Variants in LRCH3 observed in about 807,000 individuals in gnomAD.
LRCH3 encodes DISP complex protein LRCH3.
LRCH3 carries 68 observed loss-of-function variants against 104.5 expected under a neutral mutation model. That is an observed-to-expected ratio of 0.65 (90% CI 0.54 to 0.80). The LOEUF (loss-of-function observed/expected upper bound fraction) is 0.80. Among genes scored for constraint, LRCH3 ranks in the 30% least tolerant of loss-of-function variants. The probability of loss-of-function intolerance (pLI) is 0.00; values close to 1 mark genes in which losing one functional copy is unlikely to be tolerated. For synonymous variants in LRCH3, 344 were observed against 361.3 expected, an observed-to-expected ratio of 0.95 and a Z score of 0.54; for missense variants, 951 against 953.9, an observed-to-expected ratio of 1.00 and a Z score of 0.04.
intron 10 of LRCH3, among the ~76,000 whole-genome samples, chr3:197,845,230 G>A (rs569997439): frequency 1.6e-4 from 24 of 151,870 alleles, no homozygotes; most frequent in East Asian, 7.8e-4. Context: ...GCAACATGGC[G>A]AAACCCCATC....
At chr3:197,855,137 G>A (rs1240350777) in intron 14 of LRCH3, among the ~76,000 whole-genome samples, 1 of 152,188 alleles carries the variant, frequency 6.6e-6, no homozygotes, top group African/African-American at 2.4e-5. Flanking sequence ...GAGGTCTAGT[G>A]CCTACAGTGC....
chr3:197,847,659 G>T (rs1738931004), intron 11 of LRCH3, among the ~76,000 whole-genome samples, 199 bp downstream of exon 11: 1 of 152,078 alleles, frequency 6.6e-6, no homozygotes, highest in Non-Finnish European at 1.5e-5. Context: ...CTTCATGATG[G>T]CTTTATAGTA....
intron 15 of LRCH3, among the ~76,000 whole-genome samples, chr3:197,860,150 C>T (rs1202337937): frequency 2.0e-5 from 3 of 152,096 alleles, no homozygotes; most frequent in African/African-American, 7.2e-5. Context: ...TACAGATGCG[C>T]ACCACCATGC....
chr3:197,799,811 T>TG (rs2109108928), intron 1 of LRCH3, among the ~76,000 whole-genome samples: 1 of 151,442 alleles, frequency 6.6e-6, no homozygotes, highest in Admixed American at 6.6e-5. Context: ...AGGCAGAAGT[T>TG]GCAGTGAGCC....
chr3:197,843,088 A>G (rs1738056882), intron 10 of LRCH3, among the ~76,000 whole-genome samples: 8 of 145,086 alleles, frequency 5.5e-5, no homozygotes, highest in Admixed American at 4.1e-4. Context: ...CTGTCTTAAA[A>G]AAAAAAAAAA....
chr3:197,862,899 C>T (rs1271944162), intron 15 of LRCH3, among the ~76,000 whole-genome samples: 2 of 152,210 alleles, frequency 1.3e-5, no homozygotes, highest in South Asian at 2.1e-4. Context: ...TAGTTCTCCA[C>T]CTGTGATATC....
intron 8 of LRCH3, among the ~76,000 whole-genome samples, chr3:197,835,435 C>T (rs1472814126): frequency 1.3e-5 from 2 of 149,510 alleles, no homozygotes; most frequent in Non-Finnish European, 3.0e-5. Flanking sequence ...CCACTCACCA[C>T]CTCCACCTCC....
chr3:197,869,551 G>C (rs868374653), intron 17 of LRCH3, among the ~76,000 whole-genome samples: 1,546 of 134,120 alleles, frequency 0.012, 23 homozygotes, highest in African/African-American at 0.045. Context: ...GGTAGAAAGC[G>C]ATGCACTGTA....
intron 19 of LRCH3, among the ~76,000 whole-genome samples, chr3:197,872,595 G>A (rs866836970): frequency 2.0e-5 from 3 of 152,132 alleles, no homozygotes; most frequent in South Asian, 2.1e-4. Flanking sequence ...ACTGGCTTAC[G>A]CCTATAATCC....
intron 17 of LRCH3, among the ~76,000 whole-genome samples, chr3:197,867,149 C>A (rs529401815): frequency 1.3e-5 from 2 of 152,138 alleles, no homozygotes; most frequent in African/African-American, 4.8e-5. Flanking sequence ...TGGCAGCAGG[C>A]GCCTGTAATT....
chr3:197,855,979 C>A (rs1306924192), intron 14 of LRCH3, among the ~76,000 whole-genome samples: 2 of 152,210 alleles, frequency 1.3e-5, no homozygotes, highest in African/African-American at 2.4e-5. Context: ...CGAACGTGGC[C>A]TCGAAGCTCC....
intron 12 of LRCH3, chr3:197,850,735 T>C (rs925088527): frequency 5.0e-5 from 68 of 1,354,444 alleles, no homozygotes; most frequent in Non-Finnish European, 6.9e-5. Flanking sequence ...CCCCACTGCT[T>C]GGCCTGCGCA....
rs549456609 is a variant in LRCH3, at chr3:197,800,666, A to T, written c.262+9126A>T. Among the ~76,000 whole-genome samples, 19 of 152,338 alleles carry T rather than the reference A, an allele frequency of 1.2e-4. No individual in the cohort carries two copies. The South Asian group carries it at 3.9e-3, about 32-fold the overall frequency. On this transcript the variant is annotated intron_variant, in intron 1 of 20. Coordinates refer to ENST00000425562, the MANE Select transcript of LRCH3 (RefSeq NM_001365715.1). ...GACTCAGAAATTCCACTCTTGAGAT[A>T]AATCTCTCAGAGAAAGTTGTGTGTA...
intron 16 of LRCH3, among the ~76,000 whole-genome samples, chr3:197,865,859 C>T (rs1381572633): frequency 1.3e-5 from 2 of 151,460 alleles, no homozygotes; most frequent in Non-Finnish European, 2.9e-5. Flanking sequence ...CGTAGGTCTG[C>T]GGGAGACTGT....
rs563752880 is a variant in LRCH3 at position 197,885,819 on chromosome 3, T to C, written c.*2153T>C. ...GCCTTTGTAAAACAAGTAAATAAAG[T>C]AAGCGGAAGATATCTCTTTTGTTTC... On this transcript the variant is annotated 3_prime_UTR_variant, in exon 21 of 21. Coordinates refer to ENST00000425562, the MANE Select transcript of LRCH3 (RefSeq NM_001365715.1). 6.6e-6 allele frequency: 1 copy of C among 152,338 alleles called. No individual in the cohort carries two copies. Among genetic ancestry groups the C allele is most frequent in the African/African-American group, 2.4e-5 (1 of 41,574 alleles). The allele number at this position is 152,338 out of a possible 1,614,324, so 9.4% of individuals were successfully genotyped here.
chr3:197,834,482 ATAG>A (rs1189758199), intron 8 of LRCH3, among the ~76,000 whole-genome samples: 1 of 152,132 alleles, frequency 6.6e-6, no homozygotes, highest in Non-Finnish European at 1.5e-5. Flanking sequence ...AGGAAGGGAG[ATAG>A]TAGTCAGAAA....
chr3:197,833,572 A>G (rs1580709912), intron 8 of LRCH3, among the ~76,000 whole-genome samples: 1 of 152,066 alleles, frequency 6.6e-6, no homozygotes, highest in African/African-American at 2.4e-5. Context: ...TTCCAAATTG[A>G]TATGTATTGT....
chr3:197,820,464 ATTGTT>A, intron 4 of LRCH3, 34 bp downstream of exon 4: 1 of 1,339,244 alleles, frequency 7.5e-7, no homozygotes, highest in Non-Finnish European at 1.1e-6. Flanking sequence ...CCATGAAATA[ATTGTT>A]TTATTATTTT....
intron 3 of LRCH3, 47 bp from the exon 4 acceptor site, chr3:197,820,278 A>G (rs762781832): frequency 7.5e-6 from 10 of 1,338,140 alleles, no homozygotes; most frequent in Non-Finnish European, 1.1e-5. Context: ...AAAGCAGACA[A>G]GTTTGTAATG....
Sources: gnomAD v4.1 joint callset for allele counts (sites outside exome capture counted in the v4.1 genomes callset) on GRCh38, gnomAD v4.1.1 for gene constraint, MANE v1.5 for transcripts, NCBI Gene and HGNC (gene_info 2026-07-23, HGNC 2026-07-21) for gene names.